The following SLC17A8 variants were observed in gnomAD, a reference collection of about 807,000 sequenced individuals.
SLC17A8 encodes vesicular glutamate transporter 3.
SLC17A8 carries 31 observed loss-of-function variants against 58.0 expected under a neutral mutation model. The observed-to-expected ratio is 0.53, with a 90% CI of 0.40 to 0.72. The LOEUF (loss-of-function observed/expected upper bound fraction) is 0.72. Among genes scored for constraint, SLC17A8 ranks in the 30% least tolerant of loss-of-function variants. The pLI, the probability that SLC17A8 is intolerant of heterozygous loss-of-function variation, is 0.00. For synonymous variants in SLC17A8, 228 were observed against 249.0 expected (o/e 0.92, Z 0.79); for missense variants, 655 against 727.8 (o/e 0.90, Z 1.15).
In SLC17A8 at chr12:100,380,403, T is replaced by G. The variant is rs1952626769; in HGVS notation, c.102-298T>G. ...CATCTATAAAATGACATGATGACAC[T>G]GTCTACCTCATGGGGTTGTTATAAA... is the stretch of plus-strand genomic sequence containing the variant. On this transcript the variant is annotated intron_variant, in intron 1 of 11. Transcript: ENST00000323346. Among the ~76,000 whole-genome samples, 3 of 151,942 alleles carry G rather than the reference T, an allele frequency of 2.0e-5. No individual in the cohort carries two copies. In the South Asian group the frequency reaches 6.2e-4, roughly 32 times the overall value.
Position 100,362,306 on chromosome 12 carries a change from G to A in SLC17A8, c.101+4814G>A, listed in dbSNP as rs371592512. Among the ~76,000 whole-genome samples the A allele has an allele frequency of 8.8e-4, 134 of 152,308 alleles. 1 individual carries two copies. The highest frequency in any genetic ancestry group is 6.8e-3 in the Middle Eastern group (2 of 294). On this transcript the variant is annotated intron_variant, in intron 1 of 11. Transcript: ENST00000323346. ...GGAACCAGAACTGTCACCTCATCACGGGAGCAGGAAGAGATGTGTTTGGCA... is the reference window on the plus strand; with the variant it reads ...GGAACCAGAACTGTCACCTCATCACAGGAGCAGGAAGAGATGTGTTTGGCA...
chr12:100,406,179 C>G (rs1566401983), intron 9 of SLC17A8, among the ~76,000 whole-genome samples: 1 of 152,124 alleles, frequency 6.6e-6, no homozygotes, highest in Non-Finnish European at 1.5e-5. Context: ...CTCTATACAT[C>G]CAGCTCAATT....
intron 9 of SLC17A8, 61 bp downstream of exon 9, chr12:100,404,231 C>T: frequency 1.3e-6 from 2 of 1,598,780 alleles, no homozygotes; most frequent in Non-Finnish European, 1.7e-6. Context: ...AACTGAACTG[C>T]AGAGCATATA....
chr12:100,369,790 G>A (rs1221313260), intron 1 of SLC17A8, among the ~76,000 whole-genome samples: 2 of 152,214 alleles, frequency 1.3e-5, no homozygotes, highest in Non-Finnish European at 2.9e-5. Context: ...CTACATATGT[G>A]TGCTACTAGT....
chr12:100,382,016 T>C (rs552915701), intron 2 of SLC17A8, among the ~76,000 whole-genome samples: 1 of 152,376 alleles, frequency 6.6e-6, no homozygotes, highest in Non-Finnish European at 1.5e-5. Flanking sequence ...CAGAAAATGC[T>C]AAATTTTGGT....
chr12:100,398,382 T>A (rs1295176325), intron 5 of SLC17A8, among the ~76,000 whole-genome samples: 2 of 152,242 alleles, frequency 1.3e-5, no homozygotes, highest in East Asian at 3.8e-4. Flanking sequence ...GCTTGTTAGA[T>A]CCTTGACCTT....
chr12:100,402,741 G>A lies in SLC17A8; in HGVS notation c.1049G>A (p.Ser350Asn). 6.2e-7 allele frequency: 1 copy of A among 1,613,736 alleles called. No homozygotes were observed. Among genetic ancestry groups the A allele is most frequent in the South Asian group, 1.1e-5 (1 of 90,922 alleles). The change falls in exon 8 of 12, where the codon AGT becomes AAT. Residue 350 changes from serine (S) to asparagine (N), a missense_variant. Physicochemically the swap from Ser to Asn is conservative, Grantham distance 46. Transcript: ENST00000323346. ...YFEEVFGFAI[S>N]KVGLLSAVPH... Reference sequence around the variant, plus strand: ...GAAGAGGTCTTTGGATTTGCAATAAGTAAGGTAAACACACAGATGCTCCAA... The same window carrying A: ...GAAGAGGTCTTTGGATTTGCAATAAATAAGGTAAACACACAGATGCTCCAA...
intron 5 of SLC17A8, among the ~76,000 whole-genome samples, chr12:100,399,498 C>T (rs1952776034): frequency 1.3e-5 from 2 of 152,146 alleles, no homozygotes; most frequent in African/African-American, 4.8e-5. Flanking sequence ...AATCAACTCA[C>T]AGTTCTGCAT....
chr12:100,384,129 G>A (rs531033458), intron 2 of SLC17A8, among the ~76,000 whole-genome samples: 2 of 152,288 alleles, frequency 1.3e-5, no homozygotes, highest in South Asian at 2.1e-4. Context: ...TTACTCTCAG[G>A]AAAAGTCCAA....
rs1217440383 is a variant in SLC17A8, at chr12:100,420,063, G to C, written c.1674G>C (p.Gln558His). ...YGATSQNCEV[Q>H]KKEWKGQRGA... ...CCACCTCCCAGAATTGTGAAGTCCA[G>C]AAGAAGGAATGGAAAGGACAGAGAG... The change falls in exon 12 of 12, where the codon CAG becomes CAC. Residue 558 changes from glutamine (Q) to histidine (H), a missense_variant. Transcript: ENST00000323346. 6.2e-7 allele frequency: 1 copy of C among 1,614,200 alleles called. No homozygotes were observed. Among genetic ancestry groups the C allele is most frequent in the Non-Finnish European group, 8.5e-7 (1 of 1,180,022 alleles).
chr12:100,367,466 A>T (rs1040265637), intron 1 of SLC17A8, among the ~76,000 whole-genome samples: 11 of 152,238 alleles, frequency 7.2e-5, no homozygotes, highest in African/African-American at 2.7e-4. Flanking sequence ...AAAAGAGAGG[A>T]TGTAGACCTG....
At chr12:100,381,225 C>T (rs778142671) in intron 2 of SLC17A8, among the ~76,000 whole-genome samples, 12 of 152,186 alleles carry the variant, frequency 7.9e-5, no homozygotes, top group Non-Finnish European at 1.3e-4. Context: ...TGTGTCAATA[C>T]TTTGCTCCTT....
intron 5 of SLC17A8, among the ~76,000 whole-genome samples, chr12:100,399,865 G>C (rs891159214): frequency 3.3e-5 from 5 of 152,120 alleles, no homozygotes; most frequent in Non-Finnish European, 7.4e-5. Context: ...AGTGAAGGAG[G>C]CATGACTGAA....
intron 3 of SLC17A8, among the ~76,000 whole-genome samples, chr12:100,393,034 G>T (rs1272078248): frequency 6.6e-6 from 1 of 152,174 alleles, no homozygotes; most frequent in East Asian, 1.9e-4. Flanking sequence ...GCCAGAGCTT[G>T]GGAATCAAAG....
At chr12:100,398,534 A>T (rs1593001568) in intron 5 of SLC17A8, among the ~76,000 whole-genome samples, 1 of 152,220 alleles carries the variant, frequency 6.6e-6, no homozygotes, top group African/African-American at 2.4e-5. Context: ...ACTCTCAAGG[A>T]AAGTTACCTG....
chr12:100,414,262 T>C (rs1010146961), intron 10 of SLC17A8, among the ~76,000 whole-genome samples: 5 of 152,156 alleles, frequency 3.3e-5, no homozygotes, highest in Non-Finnish European at 5.9e-5. Context: ...TGTCCCAGAA[T>C]AGAAAAATAT....
rs765156218 is a variant in SLC17A8, at chr12:100,393,380, C to T, written c.485C>T (p.Ala162Val). The T allele has an allele frequency of 1.4e-5, 23 of 1,613,228 alleles. No individual in the cohort carries two copies. The highest frequency in any genetic ancestry group is 4.0e-5 in the African/African-American group (3 of 74,914). ...NKFAANRVFG[A>V]AIFLTSTLNM... ...CTTTGGTCCCCCAGGGTCTTTGGAG[C>T]TGCCATCTTCTTAACATCGACTCTG... Residue 162 changes from alanine to valine, a missense_variant, in exon 4 of 12, where the codon GCT (alanine) becomes GTT (valine). Transcript: ENST00000323346.
At chr12:100,391,311 G>A (rs993435334) in intron 3 of SLC17A8, among the ~76,000 whole-genome samples, 192 bp downstream of exon 3, 5 of 152,004 alleles carry the variant, frequency 3.3e-5, no homozygotes, top group African/African-American at 1.2e-4. Flanking sequence ...TTGAGACGGT[G>A]TCTCACTCTG....
intron 9 of SLC17A8, among the ~76,000 whole-genome samples, chr12:100,407,069 G>C (rs867241052): frequency 3.3e-5 from 5 of 152,156 alleles, no homozygotes; most frequent in Non-Finnish European, 7.3e-5. Context: ...AGAGTTAAAT[G>C]ATACAACGTA....
Sources: gnomAD v4.1 joint callset for allele counts (sites outside exome capture counted in the v4.1 genomes callset) on GRCh38, gnomAD v4.1.1 for gene constraint, MANE v1.5 for transcripts, NCBI Gene and HGNC (gene_info 2026-07-23, HGNC 2026-07-21) for gene names.